Variants in ARL13B observed in about 807,000 individuals in gnomAD.
ARL13B encodes ADP-ribosylation factor-like protein 13B.
Under a neutral mutation model 56.1 loss-of-function variants are expected in ARL13B, and 36 were observed. The observed-to-expected ratio is 0.64, with a 90% CI of 0.49 to 0.85. The LOEUF (loss-of-function observed/expected upper bound fraction) is 0.85, where lower values mean the gene tolerates loss of function less well. ARL13B is among the 40% of genes least tolerant of loss of function. The probability of loss-of-function intolerance (pLI) is 0.00; values close to 1 mark genes in which losing one functional copy is unlikely to be tolerated. For synonymous variants in ARL13B, 178 were observed against 171.1 expected (o/e 1.04, Z -0.32); for missense variants, 519 against 507.1 (o/e 1.02, Z -0.23).
At chr3:93,986,670 TAG>T (rs1710478330) in intron 1 of ARL13B, among the ~76,000 whole-genome samples, 1 of 152,178 alleles carries the variant, frequency 6.6e-6, no homozygotes, top group South Asian at 2.1e-4. Context: ...TTTTTGAAGT[TAG>T]AAACAGCTTT....
chr3:94,036,437 A>C (rs991236997), intron 4 of ARL13B, 115 bp from the exon 5 acceptor site: 85 of 1,041,620 alleles, frequency 8.2e-5, no homozygotes, highest in Non-Finnish European at 1.2e-4. Context: ...CAGATGCTTC[A>C]TATTATTAAC....
intron 7 of ARL13B, 42 bp downstream of exon 7, chr3:94,043,282 A>G (rs753083123): frequency 3.6e-5 from 54 of 1,507,938 alleles, no homozygotes; most frequent in Non-Finnish European, 4.5e-5. Context: ...TTATGTATAT[A>G]TAAATAAAAC....
chr3:94,019,233 G>C (rs374957630), intron 3 of ARL13B, among the ~76,000 whole-genome samples: 1 of 151,872 alleles, frequency 6.6e-6, no homozygotes, highest in African/African-American at 2.4e-5. Flanking sequence ...GTCTCCCTCT[G>C]TTGCCTAGGC....
intron 7 of ARL13B, among the ~76,000 whole-genome samples, chr3:94,044,233 A>G (rs1341140598): frequency 3.2e-5 from 4 of 125,344 alleles, no homozygotes; most frequent in African/African-American, 1.2e-4. Flanking sequence ...CTGGCCGCCC[A>G]TCATCTGGGA....
At chr3:94,019,073 ATTC>A (rs2106981960) in intron 3 of ARL13B, among the ~76,000 whole-genome samples, 1 of 150,846 alleles carries the variant, frequency 6.6e-6, no homozygotes, top group African/African-American at 2.4e-5. Context: ...GCTGGAAGTC[ATTC>A]TTGACTTTTT....
At position 94,003,734 on chromosome 3, in the gene ARL13B, T is replaced by A. The variant is rs1481744412; in HGVS notation, c.206T>A (p.Ile69Asn). Residue 69 changes from isoleucine to asparagine, a missense_variant, in exon 3 of 10, where the codon ATC becomes AAC. Physicochemically the swap from Ile to Asn is moderately radical, Grantham distance 149 (BLOSUM62 -3). Transcript: ENST00000394222. ...AGACAAGGAAAGTTTGAAGTCACCA[T>A]CTTTGACTTGGGAGGTGGAATAAGA... ...NLRQGKFEVT[I>N]FDLGGGIRIR... 5.6e-6 allele frequency: 9 copies of A among 1,613,696 alleles called. No individual in the cohort carries two copies. Among genetic ancestry groups the A allele is most frequent in the Non-Finnish European group, 6.8e-6 (8 of 1,179,704 alleles).
intron 6 of ARL13B, among the ~76,000 whole-genome samples, chr3:94,041,398 A>C (rs2076859488): frequency 1.3e-5 from 2 of 152,220 alleles, no homozygotes; most frequent in African/African-American, 4.8e-5. Context: ...GTTAAATTCC[A>C]AAAGTATCAA....
intron 2 of ARL13B, among the ~76,000 whole-genome samples, chr3:93,997,338 TC>T (rs2075984271): frequency 6.6e-6 from 1 of 152,158 alleles, no homozygotes; most frequent in South Asian, 2.1e-4. Context: ...TGTATTTGTT[TC>T]TGGAAACTGA....
intron 2 of ARL13B, among the ~76,000 whole-genome samples, chr3:93,998,890 A>G (rs1167065435): frequency 6.9e-6 from 1 of 144,850 alleles, no homozygotes; most frequent in African/African-American, 2.5e-5. Flanking sequence ...CTACTTTTCT[A>G]CTTATTTCTG....
At chr3:94,007,279 T>G (rs1483333522) in intron 3 of ARL13B, among the ~76,000 whole-genome samples, 1 of 152,222 alleles carries the variant, frequency 6.6e-6, no homozygotes, top group Non-Finnish European at 1.5e-5. Context: ...TGACAGAGCC[T>G]GAATTCATTG....
intron 3 of ARL13B, among the ~76,000 whole-genome samples, chr3:94,012,286 C>T (rs2076237768): frequency 6.6e-6 from 1 of 152,218 alleles, no homozygotes; most frequent in East Asian, 1.9e-4. Context: ...ATCCTAAAAC[C>T]TCCACTTGGA....
intron 3 of ARL13B, chr3:94,014,328 A>C (rs1467349718): frequency 7.2e-7 from 1 of 1,380,830 alleles, no homozygotes; most frequent in Non-Finnish European, 9.7e-7. Context: ...AATACAAGAC[A>C]CTGAAATATA....
intron 1 of ARL13B, among the ~76,000 whole-genome samples, chr3:93,988,404 C>T (rs1312288685): frequency 6.6e-6 from 1 of 152,174 alleles, no homozygotes; most frequent in Non-Finnish European, 1.5e-5. Flanking sequence ...GTCAAAACTT[C>T]CTGTAATTCA....
chr3:93,985,072 C>T (rs745454323), intron 1 of ARL13B, among the ~76,000 whole-genome samples: 47 of 152,156 alleles, frequency 3.1e-4, no homozygotes, highest in Non-Finnish European at 6.3e-4. Context: ...AAATATATTA[C>T]TGTTTCAGTG....
intron 3 of ARL13B, among the ~76,000 whole-genome samples, chr3:94,009,665 ATT>A (rs979805795): frequency 1.3e-5 from 2 of 151,998 alleles, no homozygotes; most frequent in Non-Finnish European, 2.9e-5. Flanking sequence ...ACCCCTACTT[ATT>A]GAATTTATAA....
intron 3 of ARL13B, among the ~76,000 whole-genome samples, chr3:94,010,360 G>T (rs1379308333): frequency 6.6e-6 from 1 of 152,052 alleles, no homozygotes; most frequent in African/African-American, 2.4e-5. Context: ...AAGTGTAGAA[G>T]AATTAGGAGA....
chr3:94,015,095 C>G (rs749663559), intron 3 of ARL13B: 1 of 1,613,810 alleles, frequency 6.2e-7, no homozygotes, highest in South Asian at 1.1e-5. Context: ...TTAATACTTT[C>G]CTGTAGTTTT....
intron 7 of ARL13B, among the ~76,000 whole-genome samples, chr3:94,044,015 C>A (rs1412086734): frequency 1.3e-5 from 2 of 152,034 alleles, no homozygotes; most frequent in East Asian, 3.9e-4. Context: ...ACAACCTCCA[C>A]CTCCCAGCCG....
At chr3:94,031,868 T>C (rs976676619) in intron 3 of ARL13B, among the ~76,000 whole-genome samples, 6 of 152,146 alleles carry the variant, frequency 3.9e-5, no homozygotes, top group Non-Finnish European at 7.4e-5. Context: ...GAAAATTCAA[T>C]TGCCATATGC....
Sources: gnomAD v4.1 joint callset for allele counts (sites outside exome capture counted in the v4.1 genomes callset) on GRCh38, gnomAD v4.1.1 for gene constraint, MANE v1.5 for transcripts, NCBI Gene and HGNC (gene_info 2026-07-23, HGNC 2026-07-21) for gene names.